Variants in PLEKHG4 observed in about 807,000 individuals in gnomAD.
PLEKHG4 encodes puratrophin-1.
In PLEKHG4, 85 loss-of-function variants were observed where a neutral mutation model predicts 136.9. The ratio of observed to expected loss-of-function variants is 0.62; its 90% CI spans 0.52 to 0.74. The LOEUF (loss-of-function observed/expected upper bound fraction) is 0.74. Among genes scored for constraint, PLEKHG4 ranks in the 30% least tolerant of loss-of-function variants. The probability of loss-of-function intolerance (pLI) is 0.00; values close to 1 mark genes in which losing one functional copy is unlikely to be tolerated. For synonymous variants in PLEKHG4, 577 were observed against 646.9 expected (o/e 0.89, Z 1.64); for missense variants, 1,317 against 1,527.8 (o/e 0.86, Z 2.30).
rs772195406 is a variant in PLEKHG4 at position 67,287,914 on chromosome 16, G to A, written c.3120G>A (p.Glu1040=). ...AVHNKEVRMA[E]MVSMGVGNKA... is the part of the protein sequence containing the mutation. ...TCCACCCAGAGGTGCGCATGGCTGAGATGGTGTCCATGGGTGTGGGGAACA... is the reference window on the plus strand; with the variant it reads ...TCCACCCAGAGGTGCGCATGGCTGAAATGGTGTCCATGGGTGTGGGGAACA... The change falls in exon 19 of 22, where the codon GAG becomes GAA. Residue 1040 remains glutamate, a synonymous_variant. Coordinates refer to ENST00000379344, the MANE Select transcript of PLEKHG4 (RefSeq NM_001129729.3). 1 of 1,612,868 alleles carries A rather than the reference G, an allele frequency of 6.2e-7. No individual in the cohort carries two copies. The highest frequency in any genetic ancestry group is 8.5e-7 in the Non-Finnish European group (1 of 1,178,816).
Position 67,286,374 on chromosome 16 carries a change from C to A in PLEKHG4, c.2532+11C>A, listed in dbSNP as rs369501564. 19 of 1,612,476 alleles carry A rather than the reference C, an allele frequency of 1.2e-5. No homozygotes were observed. The highest frequency in any genetic ancestry group is 1.6e-5 in the Non-Finnish European group (19 of 1,178,520). Reference sequence around the variant, plus strand: ...CACACCTTCTTCAAGGTAAGTGAACCTGAGATTAGGAGGAGTAGGGGATGC... The same window carrying A: ...CACACCTTCTTCAAGGTAAGTGAACATGAGATTAGGAGGAGTAGGGGATGC... On this transcript the variant is annotated intron_variant, in intron 15 of 21. Transcript: ENST00000379344.
Position 67,281,075 on chromosome 16 carries a change from A to T in PLEKHG4, c.720-16A>T. 1 of 1,613,886 alleles carries T rather than the reference A, an allele frequency of 6.2e-7. No homozygotes were observed. The highest frequency in any genetic ancestry group is 8.5e-7 in the Non-Finnish European group (1 of 1,179,818). On this transcript the variant is annotated splice_polypyrimidine_tract_variant and intron_variant, in intron 4 of 21. Coordinates refer to ENST00000379344, the MANE Select transcript of PLEKHG4 (RefSeq NM_001129729.3). ...GGACTGGGAGTCAGGTACTGAACTGAAGCTCACCCCTTTAGGCCCGAAGTA... is the reference window on the plus strand; with the variant it reads ...GGACTGGGAGTCAGGTACTGAACTGTAGCTCACCCCTTTAGGCCCGAAGTA...
chr16:67,284,752 G>A lies in PLEKHG4; in HGVS notation c.1732G>A (p.Glu578Lys). The change falls in exon 13 of 22, where the codon GAG (glutamate) becomes AAG (lysine). Residue 578 changes from glutamate to lysine, a missense_variant. Physicochemically the swap from Glu to Lys is moderately conservative, Grantham distance 56 (BLOSUM62 1). Transcript: ENST00000379344. The surrounding 1 kb of genome is among the most constrained non-coding windows in gnomAD (Gnocchi z 4.4). ...TGAGGAGGGGCAGCGAGTGTTGGCAGAGCTGGAGCAGGAACGCCCGGGGGT... is the reference window on the plus strand; with the variant it reads ...TGAGGAGGGGCAGCGAGTGTTGGCAAAGCTGGAGCAGGAACGCCCGGGGGT... ...WAEEGQRVLA[E>K]LEQERPGVVL... 6.2e-7 allele frequency: 1 copy of A among 1,613,946 alleles called. No homozygotes were observed.
intron 21 of PLEKHG4, 72 bp downstream of exon 21, chr16:67,288,676 C>G (rs1043134662): frequency 6.2e-7 from 1 of 1,600,340 alleles, no homozygotes; most frequent in African/African-American, 1.3e-5. Context: ...TGACCAGCCC[C>G]TCCCCAGCCC....
Position 67,284,353 on chromosome 16 carries a change from C to A in PLEKHG4, c.1588C>A (p.Arg530Ser). ...GGCTGAACTGGACCCCCCTGGGGCACGCTTTCTGGCCCTGCGAGCCCAGCT... is the reference window on the plus strand; with the variant it reads ...GGCTGAACTGGACCCCCCTGGGGCAAGCTTTCTGGCCCTGCGAGCCCAGCT... ...EAAELDPPGA[R>S]FLALRAQLTE... Residue 530 changes from arginine (R) to serine (S), a missense_variant, in exon 12 of 22, where the codon CGC becomes AGC. Transcript: ENST00000379344. The surrounding 1 kb of genome is among the most constrained non-coding windows in gnomAD (Gnocchi z 4.4). The A allele has an allele frequency of 6.2e-7, 1 of 1,613,972 alleles. No homozygotes were observed.
Position 67,289,058 on chromosome 16 carries a change from C to T in PLEKHG4, c.*250C>T. The T allele has an allele frequency of 1.6e-6, 1 of 613,098 alleles. No individual in the cohort carries two copies. Among genetic ancestry groups the T allele is most frequent in the Non-Finnish European group, 2.9e-6 (1 of 339,050 alleles). 38.0% of individuals were successfully genotyped at this position (613,098 alleles called of 1,614,324 possible). On this transcript the variant is annotated 3_prime_UTR_variant, in exon 22 of 22. Coordinates refer to ENST00000379344, the MANE Select transcript of PLEKHG4 (RefSeq NM_001129729.3). ...GACCCCTTCTCCTGTCCCCAGCTCC[C>T]ATCCCAGTTGTGGGTTAAGAATAGG... is the stretch of plus-strand genomic sequence containing the variant.
intron 18 of PLEKHG4, 186 bp from the exon 19 acceptor site, chr16:67,287,712 G>C: frequency 3.0e-6 from 2 of 659,984 alleles, no homozygotes; most frequent in Non-Finnish European, 2.8e-6. Context: ...ATCTTTAAAA[G>C]GGGAATATGG....
chr16:67,281,824 T>C lies in PLEKHG4; in HGVS notation c.992T>C (p.Leu331Pro). Residue 331 changes from leucine (L) to proline (P), a missense_variant, in exon 7 of 22, where the codon CTG (leucine) becomes CCG (proline). Leu to Pro is a moderately conservative substitution (Grantham distance 98). Transcript: ENST00000379344. ...GGLPYCHQAW[L>P]DFRRRLEALL... ...CTGCCTTACTGCCACCAGGCCTGGC[T>C]GGATTTCCGAAGGGTCAGTACACTG... 1 of 1,612,944 alleles carries C rather than the reference T, an allele frequency of 6.2e-7. No individual in the cohort carries two copies. Among genetic ancestry groups the C allele is most frequent in the Non-Finnish European group, 8.5e-7 (1 of 1,179,842 alleles).
rs542204686 is a variant in PLEKHG4 at position 67,286,547 on chromosome 16, C to T, written c.2635C>T (p.Arg879Trp). The T allele has an allele frequency of 1.5e-5, 24 of 1,569,362 alleles. No homozygotes were observed. Among genetic ancestry groups the T allele is most frequent in the East Asian group, 7.1e-5 (3 of 42,240 alleles). Residue 879 changes from arginine (R) to tryptophan (W), a missense_variant, in exon 16 of 22, where the codon CGG (arginine) becomes TGG (tryptophan). By Grantham distance (101) the Arg-to-Trp change is moderately radical. Transcript: ENST00000379344. ...KYALLLQELARACGGPTQELS... is the reference protein window; with the variant it reads ...KYALLLQELAWACGGPTQELS... Reference sequence around the variant, plus strand: ...CGCACTGCTGCTGCAGGAGCTGGCACGGGCCTGCGGGGGCCCCACGCAGGA... The same window carrying T: ...CGCACTGCTGCTGCAGGAGCTGGCATGGGCCTGCGGGGGCCCCACGCAGGA...
At position 67,286,592 on chromosome 16, in the gene PLEKHG4, G is replaced by T; in HGVS notation, c.2680G>T (p.Ala894Ser). The change falls in exon 16 of 22, where the codon GCC (alanine) becomes TCC (serine). Residue 894 changes from alanine to serine, a missense_variant. Physicochemically the swap from Ala to Ser is moderately conservative, Grantham distance 99. Coordinates refer to ENST00000379344, the MANE Select transcript of PLEKHG4 (RefSeq NM_001129729.3). Reference protein sequence around the residue: ...PTQELSALREAQSLVHFQLRH... With the variant: ...PTQELSALRESQSLVHFQLRH... ...GCAGGAGCTCAGTGCGCTGCGGGAGGCCCAGAGCCTTGTGCACTTCCAGCT... is the reference window on the plus strand; with the variant it reads ...GCAGGAGCTCAGTGCGCTGCGGGAGTCCCAGAGCCTTGTGCACTTCCAGCT... 6.4e-7 allele frequency: 1 copy of T among 1,560,266 alleles called. No individual in the cohort carries two copies. The highest frequency in any genetic ancestry group is 1.2e-5 in the South Asian group (1 of 85,732).
In PLEKHG4 at chr16:67,284,236, C is replaced by T. The variant is rs758883622; in HGVS notation, c.1510-39C>T. The T allele has an allele frequency of 3.1e-6, 5 of 1,594,842 alleles. No homozygotes were observed. The highest frequency in any genetic ancestry group is 4.3e-6 in the Non-Finnish European group (5 of 1,165,568). On this transcript the variant is annotated intron_variant, in intron 11 of 21. Transcript: ENST00000379344. The surrounding 1 kb of genome is among the most constrained non-coding windows in gnomAD (Gnocchi z 4.4). ...TATCTGAGTCTGGGGGCTAGACCGC[C>T]AGGCCTGGGCTGGCTGAGCCTAGTC...
chr16:67,281,056 G>C (rs372449397), intron 4 of PLEKHG4, 35 bp from the exon 5 acceptor site: 4 of 1,613,820 alleles, frequency 2.5e-6, no homozygotes, highest in Non-Finnish European at 3.4e-6. Flanking sequence ...GTGAGGACTG[G>C]GAGTCAGGTA....
At position 67,280,844 on chromosome 16, in the gene PLEKHG4, G is replaced by A. The variant is rs1258129327; in HGVS notation, c.595+38G>A. 6.2e-7 allele frequency: 1 copy of A among 1,613,508 alleles called. No individual in the cohort carries two copies. Among genetic ancestry groups the A allele is most frequent in the Admixed American group, 1.7e-5 (1 of 60,024 alleles). ...GCCTAGAGGCGGTGGAGGTGGAGTG[G>A]CCCAATACGGCAGGAGTTCACTGCT... On this transcript the variant is annotated intron_variant, in intron 3 of 21. Coordinates refer to ENST00000379344, the MANE Select transcript of PLEKHG4 (RefSeq NM_001129729.3). This position sits in a 1 kb window ranked among gnomAD's most constrained non-coding sequence, Gnocchi z 4.4.
chr16:67,288,222 C>G lies in PLEKHG4; in HGVS notation c.3276C>G (p.Tyr1092Ter), dbSNP rs765951865. The G allele has an allele frequency of 6.2e-7, 1 of 1,614,032 alleles. No individual in the cohort carries two copies. The highest frequency in any genetic ancestry group is 8.5e-7 in the Non-Finnish European group (1 of 1,180,014). Residue 1092 changes from tyrosine to a stop codon, truncating the protein, a stop_gained, in exon 20 of 22, where the codon TAC becomes TAG. Transcript: ENST00000379344. LOFTEE classifies it high-confidence loss of function. ...CCCCGTTTGACCATGACAGCCTCTA[C>G]CTGGGGGCCTCGAACTCCCTTCCTG... The part of the protein sequence containing the change: ...AVAPFDHDSL[Y>*]LGASNSLPGD...
Position 67,282,313 on chromosome 16 carries a change from A to G in PLEKHG4, c.1217A>G (p.Gln406Arg), listed in dbSNP as rs1399953583. The G allele has an allele frequency of 6.2e-7, 1 of 1,613,050 alleles. No homozygotes were observed. The change falls in exon 9 of 22, where the codon CAA (glutamine) becomes CGA (arginine). Residue 406 changes from glutamine (Q) to arginine (R), a missense_variant. By Grantham distance (43) the Gln-to-Arg change is conservative. Coordinates refer to ENST00000379344, the MANE Select transcript of PLEKHG4 (RefSeq NM_001129729.3). ...QGGRELTWLK[Q>R]EVPEVTLSPD... ...GGCCGGGAGCTGACATGGCTGAAGC[A>G]AGAGGTCCCAGAGGTGACCCTGAGC...
At chr16:67,286,962 C>T (rs1428863925) in intron 17 of PLEKHG4, 38 bp from the exon 18 acceptor site, 1 of 1,612,952 alleles carries the variant, frequency 6.2e-7, no homozygotes, top group East Asian at 2.2e-5. Context: ...TTTTCCCGCC[C>T]CATGCCTTAC....
Position 67,282,361 on chromosome 16 carries a change from C to T in PLEKHG4, c.1253+12C>T. 1 of 1,611,230 alleles carries T rather than the reference C, an allele frequency of 6.2e-7. No homozygotes were observed. The highest frequency in any genetic ancestry group is 8.5e-7 in the Non-Finnish European group (1 of 1,179,106). On this transcript the variant is annotated intron_variant, in intron 9 of 21. Coordinates refer to ENST00000379344, the MANE Select transcript of PLEKHG4 (RefSeq NM_001129729.3). ...AGCCCAGACTACAGGTGAGTGCAAG[C>T]CCGGCCCCCAGATCTTGCCCCAGCC...
chr16:67,287,431 G>A (rs560011368), intron 18 of PLEKHG4: 19 of 569,810 alleles, frequency 3.3e-5, no homozygotes, highest in Non-Finnish European at 4.7e-5. Flanking sequence ...ACAGGGTCTC[G>A]CTCTGTCGCC....
In PLEKHG4 at chr16:67,287,922, C is replaced by G. The variant is rs759312383; in HGVS notation, c.3128C>G (p.Ser1043Cys). 6.2e-7 allele frequency: 1 copy of G among 1,613,360 alleles called. No homozygotes were observed. Among genetic ancestry groups the G allele is most frequent in the African/African-American group, 1.3e-5 (1 of 74,910 alleles). Residue 1043 changes from serine to cysteine, a missense_variant, in exon 19 of 22, where the codon TCC (serine) becomes TGC (cysteine). Physicochemically the swap from Ser to Cys is moderately radical, Grantham distance 112 (BLOSUM62 -1). Transcript: ENST00000379344. ...NKEVRMAEMV[S>C]MGVGNKAFRD... is the part of the protein sequence containing the mutation. ...GAGGTGCGCATGGCTGAGATGGTGT[C>G]CATGGGTGTGGGGAACAAGGCCTTC...
Sources: gnomAD v4.1 joint callset for allele counts on GRCh38, gnomAD v4.1.1 for gene constraint, Gnocchi (gnomAD v3.1) non-coding constraint, MANE v1.5 for transcripts, NCBI Gene and HGNC (gene_info 2026-07-23, HGNC 2026-07-21) for gene names.